The following GPR50 variants were observed in gnomAD, a reference collection of about 807,000 sequenced individuals.
GPR50 encodes melatonin-related receptor.
A neutral mutation model predicts 2.6 loss-of-function variants in GPR50; 1 was observed. The observed-to-expected ratio is 0.38, with a 90% CI of 0.13 to 1.79. The LOEUF (loss-of-function observed/expected upper bound fraction) is 1.79, where lower values mean the gene tolerates loss of function less well. Ranked by LOEUF, GPR50 falls within the 40% of genes most tolerant of loss-of-function variation. The probability of loss-of-function intolerance (pLI) is 0.33; values close to 1 mark genes in which losing one functional copy is unlikely to be tolerated. For missense variants in GPR50, 535 were observed against 522.1 expected, an observed-to-expected ratio of 1.02 and a Z score of -0.24; for synonymous variants, 233 against 202.3, an observed-to-expected ratio of 1.15 and a Z score of -1.29.
Position 151,176,747 on chromosome X carries a change from C to T in GPR50, c.26C>T (p.Thr9Ile). The change falls in exon 1 of 2, where the codon ACC (threonine) becomes ATC (isoleucine). Residue 9 changes from threonine (T) to isoleucine (I), a missense_variant. By Grantham distance (89) the Thr-to-Ile change is moderately conservative. Transcript: ENST00000218316. Reference protein sequence around the residue: MGPTLAVPTPYGCIGCKLP... With the variant: MGPTLAVPIPYGCIGCKLP... Reference sequence around the variant, plus strand: ...ATGGGGCCCACCCTAGCGGTTCCCACCCCCTATGGCTGTATTGGCTGTAAG... The same window carrying T: ...ATGGGGCCCACCCTAGCGGTTCCCATCCCCTATGGCTGTATTGGCTGTAAG... 4 of 1,194,040 alleles carry T rather than the reference C, an allele frequency of 3.3e-6. No homozygotes were observed. Among genetic ancestry groups the T allele is most frequent in the Non-Finnish European group, 4.5e-6 (4 of 886,239 alleles).
chrX:151,178,236 C>G (rs771686534), intron 1 of GPR50, among the ~76,000 whole-genome samples: 1 of 112,067 alleles, frequency 8.9e-6, no homozygotes, highest in East Asian at 2.8e-4. Context: ...CAAGGAGTCA[C>G]GAACACTGAA....
rs1340399540 is a variant in GPR50, at chrX:151,180,935, T to C, written c.1352T>C (p.Val451Ala). ...PASVHFKADS[V>A]HFKGDSVHFK... ...TCTGTCCATTTCAAGGCTGACTCTG[T>C]CCATTTCAAGGGTGACTCTGTCCAT... The change falls in exon 2 of 2, where the codon GTC becomes GCC. Residue 451 changes from valine (V) to alanine (A), a missense_variant. By Grantham distance (64) the Val-to-Ala change is moderately conservative. Coordinates refer to ENST00000218316, the MANE Select transcript of GPR50 (RefSeq NM_004224.3). 7.4e-6 allele frequency: 9 copies of C among 1,208,857 alleles called. No homozygotes were observed. The highest frequency in any genetic ancestry group is 1.0e-5 in the Non-Finnish European group (9 of 894,911).
At position 151,180,599 on chromosome X, in the gene GPR50, G is replaced by A. The variant is rs779386501; in HGVS notation, c.1016G>A (p.Arg339His). Reference protein sequence around the residue: ...MQEARTLARARAHARDQAREQ... With the variant: ...MQEARTLARAHAHARDQAREQ... ...GAGGCCCGTACCCTGGCCCGCGCCC[G>A]TGCCCATGCTCGCGACCAAGCTCGT... is the stretch of plus-strand genomic sequence containing the variant. The change falls in exon 2 of 2, where the codon CGT (arginine) becomes CAT (histidine). Residue 339 changes from arginine (R) to histidine (H), a missense_variant. By Grantham distance (29) the Arg-to-His change is conservative. Transcript: ENST00000218316. The A allele has an allele frequency of 2.7e-5, 33 of 1,208,016 alleles. No individual in the cohort carries two copies. The East Asian group carries it at 5.3e-4, about 20-fold the overall frequency.
intron 1 of GPR50, among the ~76,000 whole-genome samples, chrX:151,179,059 C>A (rs1461455359): frequency 9.7e-6 from 1 of 102,798 alleles, no homozygotes; most frequent in Non-Finnish European, 2.0e-5. Flanking sequence ...CCCCCACCCC[C>A]GCCCACCTCG....
In GPR50 at chrX:151,181,155, C is replaced by T. The variant is rs1260864980; in HGVS notation, c.1572C>T (p.Ala524=). Residue 524 remains alanine (A), a synonymous_variant, in exon 2 of 2, where the codon GCC becomes GCT. Transcript: ENST00000218316. ...EPTTADYPKP[A]TTSHPKPTAA... is the part of the protein sequence containing the mutation. ...CCACTGCTGACTATCCCAAGCCTGC[C>T]ACTACCAGCCACCCTAAGCCCACTG... 8.3e-7 allele frequency: 1 copy of T among 1,210,010 alleles called. No homozygotes were observed.
At position 151,176,803 on chromosome X, in the gene GPR50, A is replaced by G. The variant is rs2048681935; in HGVS notation, c.82A>G (p.Ile28Val). The change falls in exon 1 of 2, where the codon ATC becomes GTC. Residue 28 changes from isoleucine (I) to valine (V), a missense_variant. Coordinates refer to ENST00000218316, the MANE Select transcript of GPR50 (RefSeq NM_004224.3). ...CCAGCCAGAATACCCACCGGCTCTA[A>G]TCATCTTTATGTTCTGCGCGATGGT... Reference protein sequence around the residue: ...LPQPEYPPALIIFMFCAMVIT... With the variant: ...LPQPEYPPALVIFMFCAMVIT... 8.3e-7 allele frequency: 1 copy of G among 1,203,399 alleles called. No individual in the cohort carries two copies. The highest frequency in any genetic ancestry group is 1.1e-6 in the Non-Finnish European group (1 of 888,667).
rs878989542 is a variant in GPR50, at chrX:151,180,729, C to T, written c.1146C>T (p.Ala382=). The T allele has an allele frequency of 2.5e-6, 3 of 1,210,979 alleles. No homozygotes were observed. The South Asian group carries it at 5.3e-5, about 21-fold the overall frequency. The part of the protein sequence containing the change: ...GDAAAGHPDR[A]SGHPKPHSRS... The stretch of plus-strand genomic sequence containing the variant: ...CTGCAGCTGGCCACCCCGACCGTGC[C>T]TCTGGCCACCCTAAGCCCCATTCCA... The change falls in exon 2 of 2, where the codon GCC becomes GCT. Residue 382 remains alanine (A), a synonymous_variant. Transcript: ENST00000218316.
At position 151,181,150 on chromosome X, in the gene GPR50, C is replaced by A; in HGVS notation, c.1567C>A (p.Pro523Thr). Residue 523 changes from proline (P) to threonine (T), a missense_variant, in exon 2 of 2, where the codon CCT becomes ACT. Physicochemically the swap from Pro to Thr is conservative, Grantham distance 38 (BLOSUM62 -1). Transcript: ENST00000218316. ...AEPTTADYPK[P>T]ATTSHPKPTA... The stretch of plus-strand genomic sequence containing the variant: ...GCCCACCACTGCTGACTATCCCAAG[C>A]CTGCCACTACCAGCCACCCTAAGCC... 8.3e-7 allele frequency: 1 copy of A among 1,210,013 alleles called. No individual in the cohort carries two copies. The highest frequency in any genetic ancestry group is 1.1e-6 in the Non-Finnish European group (1 of 894,460).
At position 151,181,330 on chromosome X, in the gene GPR50, A is replaced by G. The variant is rs371707915; in HGVS notation, c.1747A>G (p.Thr583Ala). ...KPAASQLESD[T>A]IADLPDPTVV... ...TGCTGCCAGCCAGCTGGAGTCTGACACCATCGCTGACCTTCCTGACCCTAC... is the reference window on the plus strand; with the variant it reads ...TGCTGCCAGCCAGCTGGAGTCTGACGCCATCGCTGACCTTCCTGACCCTAC... The change falls in exon 2 of 2, where the codon ACC becomes GCC. Residue 583 changes from threonine to alanine, a missense_variant. Transcript: ENST00000218316. 7.7e-4 allele frequency: 926 copies of G among 1,204,258 alleles called. 7 individuals are homozygous for G. The South Asian group carries it at 0.015, about 20-fold the overall frequency.
chrX:151,180,029 T>A lies in GPR50; in HGVS notation c.446T>A (p.Leu149Gln). 8.3e-7 allele frequency: 1 copy of A among 1,211,278 alleles called. No individual in the cohort carries two copies. The highest frequency in any genetic ancestry group is 1.1e-6 in the Non-Finnish European group (1 of 894,918). The change falls in exon 2 of 2, where the codon CTG (leucine) becomes CAG (glutamine). Residue 149 changes from leucine to glutamine, a missense_variant. Physicochemically the swap from Leu to Gln is moderately radical, Grantham distance 113. Coordinates refer to ENST00000218316, the MANE Select transcript of GPR50 (RefSeq NM_004224.3). Reference protein sequence around the residue: ...IFSVRNTCIYLVITWIMTVLA... With the variant: ...IFSVRNTCIYQVITWIMTVLA... ...AGTGTGCGCAATACCTGCATCTACC[T>A]GGTCATCACCTGGATCATGACCGTC...
intron 1 of GPR50, among the ~76,000 whole-genome samples, chrX:151,178,225 G>T (rs186200052): frequency 8.9e-6 from 1 of 112,234 alleles, no homozygotes; most frequent in East Asian, 2.8e-4. Flanking sequence ...CTTTGCTTGG[G>T]CAAGGAGTCA....
At chrX:151,177,515 T>G (rs1338128088) in intron 1 of GPR50, 2 of 112,107 alleles carry the variant, frequency 1.8e-5, no homozygotes, top group Non-Finnish European at 3.8e-5. Context: ...CAGGGAGGTC[T>G]GAGCCCGCCG....
intron 1 of GPR50, among the ~76,000 whole-genome samples, chrX:151,178,795 T>A (rs913720121): frequency 8.9e-6 from 1 of 112,591 alleles, no homozygotes; most frequent in Non-Finnish European, 1.9e-5. Flanking sequence ...CGCCTGCACC[T>A]GGCCTCTTCC....
At chrX:151,181,749 AT>A (rs779826685), downstream of GPR50, among the ~76,000 whole-genome samples, 1 of 110,860 alleles carries the variant, frequency 9.0e-6, no homozygotes, top group Admixed American at 9.5e-5. Flanking sequence ...TTAGACTTTG[AT>A]TTTTTTCCCA....
In GPR50 at chrX:151,176,733, C is replaced by T; in HGVS notation, c.12C>T (p.Thr4=). 1 of 1,187,001 alleles carries T rather than the reference C, an allele frequency of 8.4e-7. No individual in the cohort carries two copies. Among genetic ancestry groups the T allele is most frequent in the African/African-American group, 1.8e-5 (1 of 56,738 alleles). ...TCCCCAGGAGCAACATGGGGCCCAC[C>T]CTAGCGGTTCCCACCCCCTATGGCT... MGP[T]LAVPTPYGCI... Residue 4 remains threonine, a synonymous_variant, in exon 1 of 2, where the codon ACC becomes ACT. Coordinates refer to ENST00000218316, the MANE Select transcript of GPR50 (RefSeq NM_004224.3).
chrX:151,179,781 C>T lies in GPR50; in HGVS notation c.198C>T (p.Phe66=). 8.6e-7 allele frequency: 1 copy of T among 1,162,887 alleles called. No homozygotes were observed. Among genetic ancestry groups the T allele is most frequent in the Non-Finnish European group, 1.2e-6 (1 of 866,278 alleles). The change falls in exon 2 of 2, where the codon TTC becomes TTT. Residue 66 remains phenylalanine (F), a synonymous_variant. Coordinates refer to ENST00000218316, the MANE Select transcript of GPR50 (RefSeq NM_004224.3). Reference sequence around the variant, plus strand: ...CGATATGTTTTTCAGGCAACATCTTCGTGGTCAGTCTCTCTGTGGCCGATA... The same window carrying T: ...CGATATGTTTTTCAGGCAACATCTTTGTGGTCAGTCTCTCTGTGGCCGATA... ...NKKLRNSGNI[F]VVSLSVADML...
Position 151,181,441 on chromosome X carries a change from A to G in GPR50, c.*4A>G. The G allele has an allele frequency of 8.6e-7, 1 of 1,160,245 alleles. No homozygotes were observed. Among genetic ancestry groups the G allele is most frequent in the Non-Finnish European group, 1.2e-6 (1 of 865,637 alleles). On this transcript the variant is annotated 3_prime_UTR_variant, in exon 2 of 2. Transcript: ENST00000218316. ...TCCTGATGAAATGGCTGTGTGAAAAATGCTCTCGTAGGTGGCCAGGCAGTG... is the reference window on the plus strand; with the variant it reads ...TCCTGATGAAATGGCTGTGTGAAAAGTGCTCTCGTAGGTGGCCAGGCAGTG...
chrX:151,179,109 C>G, intron 1 of GPR50, among the ~76,000 whole-genome samples: 1 of 86,619 alleles, frequency 1.2e-5, no homozygotes, highest in Non-Finnish European at 2.1e-5. Context: ...CTTCTTTGGT[C>G]TCAGACTAAA....
At chrX:151,177,468 G>T (rs1244301420) in intron 1 of GPR50, 2 of 112,892 alleles carry the variant, frequency 1.8e-5, no homozygotes, top group Non-Finnish European at 3.8e-5. Context: ...GCAGATCCCG[G>T]GCGGCGGAGC....
Sources: gnomAD v4.1 joint callset for allele counts (sites outside exome capture counted in the v4.1 genomes callset) on GRCh38, gnomAD v4.1.1 for gene constraint, MANE v1.5 for transcripts, NCBI Gene and HGNC (gene_info 2026-07-23, HGNC 2026-07-21) for gene names.